MYPN: variants seen among roughly 807,000 people sequenced by gnomAD.
MYPN encodes the protein myopalladin.
Under a neutral mutation model 129.4 loss-of-function variants are expected in MYPN, and 63 were observed. The ratio of observed to expected loss-of-function variants is 0.49; its 90% CI spans 0.40 to 0.60. The LOEUF is 0.60. Ranked by LOEUF, MYPN falls within the 20% of genes least tolerant of loss-of-function variation. The pLI, the probability that MYPN is intolerant of heterozygous loss-of-function variation, is 0.00. For synonymous variants in MYPN, 629 were observed against 600.9 expected (o/e 1.05, Z -0.68); for missense variants, 1,596 against 1,635.4 (o/e 0.98, Z 0.42).
intron 1 of MYPN, among the ~76,000 whole-genome samples, chr10:68,112,216 T>C (rs2042091545): frequency 4.6e-5 from 7 of 152,196 alleles, no homozygotes; most frequent in Admixed American, 3.9e-4. Flanking sequence ...TTGATTGCCT[T>C]CCATGAGACT....
chr10:68,122,782 A>C (rs1036953540), intron 2 of MYPN, among the ~76,000 whole-genome samples: 10 of 151,948 alleles, frequency 6.6e-5, no homozygotes, highest in African/African-American at 2.4e-4. Flanking sequence ...TGCGCCTGTA[A>C]TCCCAGCTAC....
At chr10:68,202,159 G>A (rs1295631690) in intron 18 of MYPN, among the ~76,000 whole-genome samples, 165 bp downstream of exon 18, 2 of 151,962 alleles carry the variant, frequency 1.3e-5, no homozygotes, top group African/African-American at 4.8e-5. Context: ...CTGGCCAGGC[G>A]CAGTGGCTCA....
chr10:68,204,564 A>G (rs2043779358), intron 18 of MYPN, among the ~76,000 whole-genome samples: 1 of 152,014 alleles, frequency 6.6e-6, no homozygotes, highest in Admixed American at 6.6e-5. Flanking sequence ...TCTACTATAC[A>G]AAAATTAGCC....
chr10:68,181,927 G>T (rs889888180), intron 12 of MYPN, among the ~76,000 whole-genome samples: 1 of 151,970 alleles, frequency 6.6e-6, no homozygotes, highest in African/African-American at 2.4e-5. Context: ...GGTGAAACAA[G>T]TACCCCAGGG....
In MYPN at chr10:68,199,555, G is replaced by C. The variant is rs1476292021; in HGVS notation, c.3473G>C (p.Ser1158Thr). Reference protein sequence around the residue: ...ATNKTGQNSFSLELSVVAKEV... With the variant: ...ATNKTGQNSFTLELSVVAKEV... The stretch of plus-strand genomic sequence containing the variant: ...AACAAAACCGGGCAGAATTCTTTTA[G>C]TCTGGAGCTCTCTGTAGTAGGTAAG... The change falls in exon 17 of 20, where the codon AGT becomes ACT. Residue 1158 changes from serine (S) to threonine (T), a missense_variant. Coordinates refer to ENST00000358913, the MANE Select transcript of MYPN (RefSeq NM_032578.4). 6.2e-7 allele frequency: 1 copy of C among 1,611,866 alleles called. No individual in the cohort carries two copies. Among genetic ancestry groups the C allele is most frequent in the Non-Finnish European group, 8.5e-7 (1 of 1,179,272 alleles).
chr10:68,197,120 T>G (rs893814783), intron 15 of MYPN, among the ~76,000 whole-genome samples: 1 of 152,130 alleles, frequency 6.6e-6, no homozygotes, highest in Non-Finnish European at 1.5e-5. Flanking sequence ...GCTAAGCCTG[T>G]TTATTTGATT....
At chr10:68,159,689 AT>A (rs2042941095) in intron 7 of MYPN, among the ~76,000 whole-genome samples, 1 of 84,964 alleles carries the variant, frequency 1.2e-5, no homozygotes, top group Non-Finnish European at 3.0e-5. Context: ...ATGTAGAGCA[AT>A]CATATGATAG....
intron 12 of MYPN, among the ~76,000 whole-genome samples, chr10:68,179,724 G>A (rs1003904887): frequency 1.3e-5 from 2 of 151,740 alleles, no homozygotes; most frequent in African/African-American, 2.4e-5. Flanking sequence ...GCAGTGGTGC[G>A]ATCTCCACTC....
chr10:68,124,376 A>G (rs971010413), intron 2 of MYPN, among the ~76,000 whole-genome samples: 13 of 152,318 alleles, frequency 8.5e-5, no homozygotes, highest in Non-Finnish European at 1.6e-4. Flanking sequence ...TTTCATTACT[A>G]TTTAACATTT....
Position 68,210,396 on chromosome 10 carries a change from G to A in MYPN, c.3904G>A (p.Glu1302Lys), listed in dbSNP as rs1463632812. 1.2e-6 allele frequency: 2 copies of A among 1,614,158 alleles called. No individual in the cohort carries two copies. The highest frequency in any genetic ancestry group is 2.2e-5 in the East Asian group (1 of 44,890). The change falls in exon 20 of 20, where the codon GAA (glutamate) becomes AAA (lysine). Residue 1302 changes from glutamate to lysine, a missense_variant. Glu to Lys is a moderately conservative substitution (Grantham distance 56). Transcript: ENST00000358913. Reference sequence around the variant, plus strand: ...CATATTTTCTGCCTTTTCCTCCATGGAAAGCACGATGGTGTATTCATGCTC... The same window carrying A: ...CATATTTTCTGCCTTTTCCTCCATGAAAAGCACGATGGTGTATTCATGCTC... ...LDIFSAFSSM[E>K]STMVYSCSSR...
chr10:68,148,068 T>G (rs192358425), intron 4 of MYPN, among the ~76,000 whole-genome samples: 1 of 152,300 alleles, frequency 6.6e-6, no homozygotes, highest in East Asian at 1.9e-4. Flanking sequence ...CTTCCATCAC[T>G]GCATTTGTCT....
chr10:68,202,122 A>G lies in MYPN; in HGVS notation c.3659+128A>G. ...AATAATGCATTTGCGTTTCATTGATATTATTGTGTGTATTAAGAATGTATT... is the reference window on the plus strand; with the variant it reads ...AATAATGCATTTGCGTTTCATTGATGTTATTGTGTGTATTAAGAATGTATT... On this transcript the variant is annotated intron_variant, in intron 18 of 19. Transcript: ENST00000358913. 2.6e-6 allele frequency: 3 copies of G among 1,171,614 alleles called. No homozygotes were observed. The South Asian group carries it at 3.7e-5, about 15-fold the overall frequency. 72.6% of individuals were successfully genotyped at this position (1,171,614 alleles called of 1,614,324 possible).
intron 2 of MYPN, chr10:68,136,070 T>TA (rs2042482643): frequency 4.6e-6 from 1 of 217,300 alleles, no homozygotes; most frequent in Non-Finnish European, 7.8e-6. Flanking sequence ...GTTAATGTGC[T>TA]AAAACAATGA....
intron 15 of MYPN, among the ~76,000 whole-genome samples, chr10:68,196,656 G>A (rs1446425190): frequency 1.3e-5 from 2 of 151,640 alleles, no homozygotes; most frequent in Non-Finnish European, 2.9e-5. Flanking sequence ...GCTAATTTTT[G>A]TATTTTTTTG....
At chr10:68,181,884 G>A (rs777768408) in intron 12 of MYPN, among the ~76,000 whole-genome samples, 1 of 151,982 alleles carries the variant, frequency 6.6e-6, no homozygotes, top group Non-Finnish European at 1.5e-5. Flanking sequence ...CCCTCTCCAA[G>A]AGGGTCCATT....
At chr10:68,151,494 CCT>C (rs1360215530) in intron 6 of MYPN, among the ~76,000 whole-genome samples, 1 of 152,042 alleles carries the variant, frequency 6.6e-6, no homozygotes, top group East Asian at 1.9e-4. Flanking sequence ...TATAGGTGGA[CCT>C]TTATGCGGGG....
intron 1 of MYPN, among the ~76,000 whole-genome samples, chr10:68,096,166 A>G (rs192011477): frequency 4.9e-3 from 740 of 152,352 alleles, no homozygotes; most frequent in Non-Finnish European, 8.4e-3. Flanking sequence ...AAGATTCACC[A>G]AAACCTGAAG....
intron 18 of MYPN, among the ~76,000 whole-genome samples, chr10:68,202,294 G>A (rs570284733): frequency 1.1e-4 from 16 of 152,168 alleles, no homozygotes; most frequent in African/African-American, 3.9e-4. Flanking sequence ...TTAGCCAGGC[G>A]TGGTAGCAGG....
At chr10:68,102,653 G>A (rs1359655924), upstream of MYPN, among the ~76,000 whole-genome samples, 6 of 151,974 alleles carry the variant, frequency 3.9e-5, no homozygotes, top group African/African-American at 9.7e-5. Context: ...TTGGGAAATC[G>A]AATGGCAGTC....
Sources: allele counts gnomAD v4.1 joint callset (sites outside exome capture counted in the v4.1 genomes callset), GRCh38; gene constraint gnomAD v4.1.1; transcripts MANE v1.5; gene names NCBI Gene and HGNC (gene_info 2026-07-23, HGNC 2026-07-21).